The following ATXN10 variants were observed in gnomAD, a reference collection of about 807,000 sequenced individuals.
ATXN10 encodes the protein ataxin 10.
A neutral mutation model predicts 52.9 loss-of-function variants in ATXN10; 28 were observed. The ratio of observed to expected loss-of-function variants is 0.53; its 90% CI spans 0.39 to 0.73. The LOEUF is 0.73. Ranked by LOEUF, ATXN10 falls within the 30% of genes least tolerant of loss-of-function variation. The pLI, the probability that ATXN10 is intolerant of heterozygous loss-of-function variation, is 0.00. For synonymous variants in ATXN10, 226 were observed against 221.5 expected, an observed-to-expected ratio of 1.02 and a Z score of -0.18; for missense variants, 565 against 577.0, an observed-to-expected ratio of 0.98 and a Z score of 0.21.
At chr22:45,702,977 AG>A in intron 5 of ATXN10, 130 bp downstream of exon 5, 2 of 1,133,296 alleles carry the variant, frequency 1.8e-6, no homozygotes, top group Non-Finnish European at 2.6e-6. Context: ...ATGTGTTGAC[AG>A]AATTAGAGAA....
chr22:45,743,525 C>T (rs1458249887), intron 9 of ATXN10, among the ~76,000 whole-genome samples: 3 of 152,166 alleles, frequency 2.0e-5, no homozygotes, highest in African/African-American at 4.8e-5. Flanking sequence ...GTCTTTATCA[C>T]GGGACCAGTA....
At chr22:45,722,159 C>T (rs995366139) in intron 6 of ATXN10, among the ~76,000 whole-genome samples, 2 of 152,190 alleles carry the variant, frequency 1.3e-5, no homozygotes, top group African/African-American at 2.4e-5. Context: ...TAATTCTAGA[C>T]GGCTGTAGCC....
intron 10 of ATXN10, among the ~76,000 whole-genome samples, chr22:45,812,460 G>T (rs1928313672): frequency 6.6e-6 from 1 of 152,314 alleles, no homozygotes; most frequent in East Asian, 1.9e-4. Context: ...GTGTGCATGT[G>T]TGTGTATTTA....
rs187414782 is a variant in ATXN10, at chr22:45,715,562, T to C, written c.648-2851T>C. Among the ~76,000 whole-genome samples, 152 of 152,352 alleles carry C rather than the reference T, an allele frequency of 1.0e-3. No individual in the cohort carries two copies. The highest frequency in any genetic ancestry group is 3.5e-3 in the African/African-American group (145 of 41,584). On this transcript the variant is annotated intron_variant, in intron 5 of 11. Transcript: ENST00000252934. The surrounding 1 kb of genome is among the most constrained non-coding windows in gnomAD (Gnocchi z 4.4). Reference sequence around the variant, plus strand: ...TTGTTGTTGTTAAGCTCATTAGCTATTCTTAGTATATTTTATCTGTGCCCC... The same window carrying C: ...TTGTTGTTGTTAAGCTCATTAGCTACTCTTAGTATATTTTATCTGTGCCCC...
In ATXN10 at chr22:45,842,946, T is replaced by A. The variant is rs1397258380; in HGVS notation, c.1238-45T>A. 6.3e-7 allele frequency: 1 copy of A among 1,586,606 alleles called. No homozygotes were observed. Among genetic ancestry groups the A allele is most frequent in the Non-Finnish European group, 8.7e-7 (1 of 1,155,098 alleles). ...TTCTGATAATTCTTATGTGAAGTTA[T>A]CAAACAGGAAAGTACGTTGTCACAT... On this transcript the variant is annotated intron_variant, in intron 10 of 11. Coordinates refer to ENST00000252934, the MANE Select transcript of ATXN10 (RefSeq NM_013236.4). The surrounding 1 kb of genome is among the most constrained non-coding windows in gnomAD (Gnocchi z 4.8).
chr22:45,831,734 A>G (rs1041860210), intron 10 of ATXN10, among the ~76,000 whole-genome samples: 2 of 152,258 alleles, frequency 1.3e-5, no homozygotes, highest in Admixed American at 1.3e-4. Flanking sequence ...TTCTGCCCAC[A>G]AGGCCCAAGA....
chr22:45,753,379 T>C (rs80010876), intron 9 of ATXN10, among the ~76,000 whole-genome samples: 1 of 2,080 alleles, frequency 4.8e-4, no homozygotes, highest in Admixed American at 5.6e-3. Flanking sequence ...CTTACCAGCT[T>C]TTTTTTTTTT....
intron 1 of ATXN10, among the ~76,000 whole-genome samples, chr22:45,682,105 A>G (rs527734192): frequency 6.6e-6 from 1 of 152,206 alleles, no homozygotes; most frequent in South Asian, 2.1e-4. Context: ...ATTGGATTGC[A>G]CTCATCAGTT....
chr22:45,685,198 G>A (rs1923088043), intron 1 of ATXN10, among the ~76,000 whole-genome samples: 1 of 151,776 alleles, frequency 6.6e-6, no homozygotes, highest in African/African-American at 2.4e-5. Flanking sequence ...TATAATCACA[G>A]GTAGTTTTCT....
At chr22:45,814,084 G>A (rs572972582) in intron 10 of ATXN10, among the ~76,000 whole-genome samples, 10 of 152,186 alleles carry the variant, frequency 6.6e-5, no homozygotes, top group Non-Finnish European at 1.2e-4. Flanking sequence ...ATAGACCTCA[G>A]TGTGAATGGT....
At chr22:45,799,076 T>A (rs1465532731) in intron 9 of ATXN10, among the ~76,000 whole-genome samples, 4 of 43,872 alleles carry the variant, frequency 9.1e-5, no homozygotes, top group Non-Finnish European at 1.9e-4. Flanking sequence ...GACATTTGTG[T>A]TTTGTTTTTT....
intron 6 of ATXN10, among the ~76,000 whole-genome samples, chr22:45,720,723 G>A (rs1245680734): frequency 1.3e-5 from 2 of 152,172 alleles, no homozygotes; most frequent in African/African-American, 4.8e-5. Context: ...TGGAACCCTT[G>A]TGCACTGTTT....
chr22:45,689,359 C>T (rs1923277184), intron 1 of ATXN10: 1 of 355,110 alleles, frequency 2.8e-6, no homozygotes, highest in Non-Finnish European at 5.4e-6. Flanking sequence ...GTGCTCAGGC[C>T]AGAGTGCTTC....
At chr22:45,829,699 C>G (rs1276178282) in intron 10 of ATXN10, among the ~76,000 whole-genome samples, 1 of 152,082 alleles carries the variant, frequency 6.6e-6, no homozygotes, top group Non-Finnish European at 1.5e-5. Context: ...ACCATGAAAA[C>G]TATAAAACAT....
rs1246056167 is a variant in ATXN10 at position 45,708,474 on chromosome 22, CAACT to C, written c.647+5629_647+5632del. On this transcript the variant is annotated intron_variant, in intron 5 of 11. Transcript: ENST00000252934. The surrounding 1 kb of genome is among the most constrained non-coding windows in gnomAD (Gnocchi z 5.3). ...GTAAACCAGTCTGACAAAGGTCACA[CAACT>C]AGCATATAGCAGAGGCAGCATTGCA... Among the ~76,000 whole-genome samples, 3 of 152,182 alleles carry C rather than the reference CAACT, an allele frequency of 2.0e-5. No individual in the cohort carries two copies. Among genetic ancestry groups the C allele is most frequent in the African/African-American group, 7.2e-5 (3 of 41,452 alleles).
chr22:45,813,390 T>A (rs1285106823), intron 10 of ATXN10, among the ~76,000 whole-genome samples: 1 of 150,642 alleles, frequency 6.6e-6, no homozygotes, highest in African/African-American at 2.4e-5. Flanking sequence ...AGGGATAGAA[T>A]GAGAGTCCAG....
chr22:45,755,556 G>C (rs9626437), intron 9 of ATXN10, among the ~76,000 whole-genome samples: 1 of 152,018 alleles, frequency 6.6e-6, no homozygotes, highest in Non-Finnish European at 1.5e-5. Context: ...TCAATATCTT[G>C]TTGGTGTTTT....
chr22:45,737,556 T>C lies in ATXN10; in HGVS notation c.895-1175T>C, dbSNP rs1159345192. Reference sequence around the variant, plus strand: ...CCAAGACATTAAAAATATGAGTTGTTTTTTGCTATTTATTTTGAGATTTCA... The same window carrying C: ...CCAAGACATTAAAAATATGAGTTGTCTTTTGCTATTTATTTTGAGATTTCA... On this transcript the variant is annotated intron_variant, in intron 7 of 11. Transcript: ENST00000252934. Among the ~76,000 whole-genome samples, 9 of 152,296 alleles carry C rather than the reference T, an allele frequency of 5.9e-5. No homozygotes were observed. In the East Asian group the frequency reaches 1.5e-3, roughly 26 times the overall value.
At chr22:45,698,909 G>C (rs1923724762) in intron 3 of ATXN10, among the ~76,000 whole-genome samples, 1 of 152,118 alleles carries the variant, frequency 6.6e-6, no homozygotes, top group African/African-American at 2.4e-5. Context: ...GTACTTTTTT[G>C]ACTCTTTCTC....
Sources: allele counts gnomAD v4.1 joint callset (sites outside exome capture counted in the v4.1 genomes callset), GRCh38; gene constraint gnomAD v4.1.1; non-coding constraint Gnocchi (gnomAD v3.1); transcripts MANE v1.5; gene names NCBI Gene and HGNC (gene_info 2026-07-23, HGNC 2026-07-21).